The following FHIT variants were observed in gnomAD, a reference collection of about 807,000 sequenced individuals.
FHIT encodes bis(5'-adenosyl)-triphosphatase.
In FHIT, 19 loss-of-function variants were observed where a neutral mutation model predicts 17.9. The observed-to-expected ratio is 1.06, with a 90% CI of 0.74 to 1.56. FHIT has a LOEUF of 1.56. Among genes scored for constraint, FHIT ranks in the 40% most tolerant of loss-of-function variants. FHIT has a pLI of 0.00. For synonymous variants in FHIT, 81 were observed against 69.7 expected (o/e 1.16, Z -0.81); for missense variants, 248 against 189.2 (o/e 1.31, Z -1.82).
At chr3:60,968,972 A>G (rs1709878238) in intron 3 of FHIT, among the ~76,000 whole-genome samples, 7 of 152,064 alleles carry the variant, frequency 4.6e-5, no homozygotes, top group Admixed American at 3.3e-4. Flanking sequence ...TGATTTACCA[A>G]TGTTTTGGCT....
In FHIT at chr3:60,218,881, A is replaced by G. The variant is rs1487830279; in HGVS notation, c.104-204729T>C. On this transcript the variant is annotated intron_variant, in intron 5 of 9. Transcript: ENST00000492590. Reference sequence around the variant, plus strand: ...CCTACATACATACATACATACATACATATATACATACATATATAAATTAAC... The same window carrying G: ...CCTACATACATACATACATACATACGTATATACATACATATATAAATTAAC... Among the ~76,000 whole-genome samples, 5 of 151,902 alleles carry G rather than the reference A, an allele frequency of 3.3e-5. No homozygotes were observed. The South Asian group carries it at 6.2e-4, about 19-fold the overall frequency.
intron 5 of FHIT, among the ~76,000 whole-genome samples, chr3:60,222,236 A>T (rs1414349659): frequency 6.6e-6 from 1 of 150,874 alleles, no homozygotes; most frequent in Non-Finnish European, 1.5e-5. Flanking sequence ...TCATTCATTC[A>T]TTCATTCTGA....
At chr3:59,832,585 C>T (rs149784029) in intron 8 of FHIT, among the ~76,000 whole-genome samples, 400 of 152,256 alleles carry the variant, frequency 2.6e-3, no homozygotes, top group African/African-American at 9.0e-3. Flanking sequence ...AGCATGGCCC[C>T]GATGAGGGCT....
chr3:60,640,778 A>G (rs2039706373), intron 4 of FHIT, among the ~76,000 whole-genome samples: 1 of 152,226 alleles, frequency 6.6e-6, no homozygotes, highest in East Asian at 1.9e-4. Context: ...TGCTCATTTT[A>G]TTGCATGCTA....
Position 60,064,414 on chromosome 3 carries a change from A to G in FHIT, c.104-50262T>C, listed in dbSNP as rs536735783. Among the ~76,000 whole-genome samples the G allele has an allele frequency of 5.3e-5, 8 of 152,282 alleles. No individual in the cohort carries two copies. In the South Asian group the frequency reaches 1.5e-3, roughly 28 times the overall value. On this transcript the variant is annotated intron_variant, in intron 5 of 9. Transcript: ENST00000492590. ...AAACCACCCTCATACCTTGTCCACC[A>G]CTGCCATCTCTATCTTGCATTTGAA... is the stretch of plus-strand genomic sequence containing the variant.
chr3:60,211,518 T>C (rs1266877382), intron 5 of FHIT, among the ~76,000 whole-genome samples: 1 of 152,210 alleles, frequency 6.6e-6, no homozygotes, highest in Non-Finnish European at 1.5e-5. Context: ...CCTAATTTCA[T>C]ATCCAGTTGC....
At chr3:60,674,436 C>G (rs1400922390) in intron 4 of FHIT, among the ~76,000 whole-genome samples, 1 of 152,140 alleles carries the variant, frequency 6.6e-6, no homozygotes, top group Non-Finnish European at 1.5e-5. Context: ...ATGGAGCTTC[C>G]TCTTCACACA....
chr3:60,030,575 C>A (rs556013110), intron 5 of FHIT, among the ~76,000 whole-genome samples: 5 of 152,256 alleles, frequency 3.3e-5, no homozygotes, highest in African/African-American at 1.2e-4. Flanking sequence ...TTTTAGTACT[C>A]ATTTATGATT....
In FHIT at chr3:60,979,621, G is replaced by A. The variant is rs149447854; in HGVS notation, c.-111+62426C>T. 4.7e-4 allele frequency among the ~76,000 whole-genome samples: 72 copies of A among 152,246 alleles called. 1 individual carries two copies. The highest frequency in any genetic ancestry group is 1.2e-3 in the Admixed American group (18 of 15,296). On this transcript the variant is annotated intron_variant, in intron 3 of 9. Coordinates refer to ENST00000492590, the MANE Select transcript of FHIT (RefSeq NM_002012.4). ...GATCATGCCTGACCCTTCTGGGCCC[G>A]TCATGACTTCTGTTTAGATGACACT...
At chr3:60,727,189 G>C (rs750084329) in intron 4 of FHIT, among the ~76,000 whole-genome samples, 1 of 151,890 alleles carries the variant, frequency 6.6e-6, no homozygotes, top group Non-Finnish European at 1.5e-5. Flanking sequence ...TACCCATACC[G>C]AGAAAGACGG....
chr3:61,131,027 A>G (rs2036748984), intron 2 of FHIT, among the ~76,000 whole-genome samples: 1 of 152,258 alleles, frequency 6.6e-6, no homozygotes, highest in Admixed American at 6.5e-5. Flanking sequence ...GTAGTTGGCC[A>G]AAGTTCTAAT....
chr3:61,147,469 G>T (rs13323679), intron 2 of FHIT, among the ~76,000 whole-genome samples: 3 of 151,848 alleles, frequency 2.0e-5, no homozygotes, highest in African/African-American at 7.3e-5. Context: ...AGAGTGCCAA[G>T]GTTCTTCTGC....
intron 2 of FHIT, among the ~76,000 whole-genome samples, chr3:61,080,678 C>T (rs534897325): frequency 6.6e-6 from 1 of 152,192 alleles, no homozygotes; most frequent in Non-Finnish European, 1.5e-5. Context: ...AAAACCCATT[C>T]ATTTTTCCTC....
intron 1 of FHIT, among the ~76,000 whole-genome samples, chr3:61,227,001 G>C (rs56665745): frequency 0.066 from 10,108 of 152,134 alleles, 1,135 homozygotes; most frequent in African/African-American, 0.23. Flanking sequence ...CGAAGTAGAA[G>C]GTACTAAAAG....
At chr3:60,010,484 C>T (rs1020587571) in intron 7 of FHIT, among the ~76,000 whole-genome samples, 3 of 152,290 alleles carry the variant, frequency 2.0e-5, no homozygotes, top group Non-Finnish European at 1.5e-5. Flanking sequence ...AGGGAACTTA[C>T]GTTTATTTGG....
intron 3 of FHIT, among the ~76,000 whole-genome samples, chr3:60,842,031 T>C (rs1328117994): frequency 6.6e-6 from 1 of 151,866 alleles, no homozygotes; most frequent in Non-Finnish European, 1.5e-5. Context: ...GGAATTCCAG[T>C]GCTCCAAGGA....
chr3:60,272,685 C>T (rs1355939846), intron 5 of FHIT, among the ~76,000 whole-genome samples: 1 of 152,182 alleles, frequency 6.6e-6, no homozygotes, highest in African/African-American at 2.4e-5. Context: ...TTTGAAGTCA[C>T]AGAAATGTTA....
At chr3:60,037,783 G>T (rs1378815951) in intron 5 of FHIT, among the ~76,000 whole-genome samples, 1 of 151,208 alleles carries the variant, frequency 6.6e-6, no homozygotes, top group Admixed American at 6.6e-5. Flanking sequence ...ACATGATCTC[G>T]GCTCACTGCA....
At chr3:60,015,152 G>T (rs1384324501) in intron 5 of FHIT, among the ~76,000 whole-genome samples, 1 of 152,112 alleles carries the variant, frequency 6.6e-6, no homozygotes, top group Non-Finnish European at 1.5e-5. Context: ...GAGCTAAGCA[G>T]CTGAGGGGCA....
Sources: gnomAD v4.1 joint callset for allele counts (sites outside exome capture counted in the v4.1 genomes callset) on GRCh38, gnomAD v4.1.1 for gene constraint, MANE v1.5 for transcripts, NCBI Gene and HGNC (gene_info 2026-07-23, HGNC 2026-07-21) for gene names.